NWD2: variants seen among roughly 807,000 people sequenced by gnomAD.
NWD2 encodes the protein NACHT and WD repeat domain-containing protein 2.
In NWD2, 37 loss-of-function variants were observed where a neutral mutation model predicts 132.7. The observed-to-expected ratio is 0.28, with a 90% CI of 0.21 to 0.37. The LOEUF (loss-of-function observed/expected upper bound fraction) is 0.37, where lower values mean the gene tolerates loss of function less well. Ranked by LOEUF, NWD2 falls within the 10% of genes least tolerant of loss-of-function variation. The pLI, the probability that NWD2 is intolerant of heterozygous loss-of-function variation, is 1.00. For synonymous variants in NWD2, 705 were observed against 803.0 expected, an observed-to-expected ratio of 0.88 and a Z score of 2.06; for missense variants, 1,592 against 2,122.4, an observed-to-expected ratio of 0.75 and a Z score of 4.91.
rs80353788 is a variant in NWD2, at chr4:37,364,939, T to C, written c.357+8457T>C. 9.6e-3 allele frequency among the ~76,000 whole-genome samples: 1,456 copies of C among 152,276 alleles called. 13 individuals carry two copies. The highest frequency in any genetic ancestry group is 0.033 in the African/African-American group (1,375 of 41,558). ...AATCTGTTGTTATTCAGCAAGTTTG[T>C]TTTTTCACTAGGCAGAAGAGTAAAG... On this transcript the variant is annotated intron_variant, in intron 3 of 6. Transcript: ENST00000309447.
chr4:37,299,646 G>A (rs1403098381), intron 1 of NWD2, among the ~76,000 whole-genome samples: 3 of 152,136 alleles, frequency 2.0e-5, no homozygotes, highest in Non-Finnish European at 4.4e-5. Flanking sequence ...AGAGTGTTGG[G>A]TGCAGGGTGG....
In NWD2 at chr4:37,446,709, G is replaced by A. The variant is rs372443003; in HGVS notation, c.4721G>A (p.Arg1574Gln). 27 of 1,551,496 alleles carry A rather than the reference G, an allele frequency of 1.7e-5. No individual in the cohort carries two copies. The highest frequency in any genetic ancestry group is 6.9e-5 in the African/African-American group (5 of 72,986). Reference protein sequence around the residue: ...SGIIWRQRLSRDGRYLVYICF... With the variant: ...SGIIWRQRLSQDGRYLVYICF... ...ATCATCTGGCGGCAGAGGTTGTCTC[G>A]GGATGGTCGCTACCTGGTATACATT... The change falls in exon 7 of 7, where the codon CGG (arginine) becomes CAG (glutamine). Residue 1574 changes from arginine (R) to glutamine (Q), a missense_variant. Transcript: ENST00000309447. The surrounding 1 kb of genome is among the most constrained non-coding windows in gnomAD (Gnocchi z 6.7).
chr4:37,414,701 T>C (rs1301421688), intron 3 of NWD2, among the ~76,000 whole-genome samples: 1 of 152,170 alleles, frequency 6.6e-6, no homozygotes, highest in Non-Finnish European at 1.5e-5. Flanking sequence ...TCACATCTTA[T>C]AGCCTGACAT....
chr4:37,407,623 A>G (rs1009913219), intron 3 of NWD2, among the ~76,000 whole-genome samples: 1 of 152,232 alleles, frequency 6.6e-6, no homozygotes, highest in African/African-American at 2.4e-5. Context: ...ACTTAAGACA[A>G]TGTATAGACT....
At chr4:37,274,480 A>G (rs1717946089) in intron 1 of NWD2, among the ~76,000 whole-genome samples, 2 of 152,180 alleles carry the variant, frequency 1.3e-5, no homozygotes, top group South Asian at 4.1e-4. Context: ...AGACAGATTG[A>G]CAGCCGAATT....
chr4:37,276,950 C>T (rs1173263930), intron 1 of NWD2, among the ~76,000 whole-genome samples: 3 of 151,180 alleles, frequency 2.0e-5, no homozygotes, highest in Non-Finnish European at 4.4e-5. Flanking sequence ...CACATGGACA[C>T]AGGAAGGGGA....
intron 1 of NWD2, among the ~76,000 whole-genome samples, chr4:37,311,745 G>C (rs1718846720): frequency 6.7e-6 from 1 of 148,600 alleles, no homozygotes; most frequent in Admixed American, 6.6e-5. Flanking sequence ...TTTCTTCTAG[G>C]GTTTTTATGG....
chr4:37,321,105 C>T (rs189344654), intron 1 of NWD2, among the ~76,000 whole-genome samples: 4 of 151,892 alleles, frequency 2.6e-5, no homozygotes, highest in South Asian at 4.2e-4. Flanking sequence ...TGCAGTGAGC[C>T]GAGATCATGC....
chr4:37,262,871 G>A (rs910636441), intron 1 of NWD2, among the ~76,000 whole-genome samples: 2 of 152,066 alleles, frequency 1.3e-5, no homozygotes, highest in Admixed American at 6.6e-5. Flanking sequence ...GATGGCACAG[G>A]GTGCTTCTTG....
At chr4:37,321,816 A>G (rs1392293812) in intron 1 of NWD2, among the ~76,000 whole-genome samples, 1 of 152,178 alleles carries the variant, frequency 6.6e-6, no homozygotes, top group East Asian at 1.9e-4. Context: ...AATCTAAGTC[A>G]ATTTTTAATA....
intron 1 of NWD2, among the ~76,000 whole-genome samples, chr4:37,296,629 GA>G (rs1480085079): frequency 6.6e-6 from 1 of 152,100 alleles, no homozygotes; most frequent in East Asian, 1.9e-4. Context: ...TTATAGGTGG[GA>G]ACTAAGCTAT....
intron 2 of NWD2, among the ~76,000 whole-genome samples, chr4:37,332,329 A>G (rs1719311341): frequency 6.6e-6 from 1 of 152,166 alleles, no homozygotes; most frequent in African/African-American, 2.4e-5. Context: ...GACTTTGGCA[A>G]CTTGGACACC....
At chr4:37,351,730 G>T (rs114364191) in intron 2 of NWD2, among the ~76,000 whole-genome samples, 4,007 of 151,990 alleles carry the variant, frequency 0.026, 180 homozygotes, top group African/African-American at 0.091. Flanking sequence ...TTTAGAATTC[G>T]TTTGCTCTTC....
At chr4:37,328,995 C>G (rs1419489861) in intron 2 of NWD2, among the ~76,000 whole-genome samples, 1 of 151,408 alleles carries the variant, frequency 6.6e-6, no homozygotes, top group East Asian at 1.9e-4. Context: ...GTCCCTGGCA[C>G]ATTGGAAAAT....
At chr4:37,351,278 A>T (rs1719755616) in intron 2 of NWD2, among the ~76,000 whole-genome samples, 1 of 152,060 alleles carries the variant, frequency 6.6e-6, no homozygotes, top group African/African-American at 2.4e-5. Context: ...TTGTACCCTC[A>T]GTAGAATCCA....
chr4:37,271,141 G>A lies in NWD2; in HGVS notation c.151+25923G>A, dbSNP rs1074539. On this transcript the variant is annotated intron_variant, in intron 1 of 6. Transcript: ENST00000309447. The stretch of plus-strand genomic sequence containing the variant: ...CCATTACCATACTGCCTTGATTACC[G>A]TAGCTTTATAGTAAATCTTGAGATT... Among the ~76,000 whole-genome samples the A allele has an allele frequency of 8.5e-3, 1,284 of 151,712 alleles. 18 individuals are homozygous for A. The highest frequency in any genetic ancestry group is 0.029 in the African/African-American group (1,221 of 41,454).
chr4:37,424,906 A>G lies in NWD2; in HGVS notation c.358-5666A>G, dbSNP rs182483231. Reference sequence around the variant, plus strand: ...ACAGACTCAGACCCCAAAGATTCTCAGTTGCAGCAGAGCTAACTGCACATG... The same window carrying G: ...ACAGACTCAGACCCCAAAGATTCTCGGTTGCAGCAGAGCTAACTGCACATG... On this transcript the variant is annotated intron_variant, in intron 3 of 6. Transcript: ENST00000309447. 2.2e-3 allele frequency among the ~76,000 whole-genome samples: 328 copies of G among 152,316 alleles called. 1 individual carries two copies. The highest frequency in any genetic ancestry group is 3.7e-3 in the Non-Finnish European group (250 of 68,022).
intron 3 of NWD2, among the ~76,000 whole-genome samples, chr4:37,363,069 AATC>A (rs1720015553): frequency 6.6e-6 from 1 of 152,216 alleles, no homozygotes; most frequent in South Asian, 2.1e-4. Flanking sequence ...TATCAACACT[AATC>A]ATCAGAGGAA....
chr4:37,343,190 T>G (rs940752787), intron 2 of NWD2, among the ~76,000 whole-genome samples: 2 of 152,208 alleles, frequency 1.3e-5, no homozygotes, highest in Non-Finnish European at 2.9e-5. Flanking sequence ...CTTCTCTGCT[T>G]ACTACCTTCT....
Sources: gnomAD v4.1 joint callset for allele counts (sites outside exome capture counted in the v4.1 genomes callset) on GRCh38, gnomAD v4.1.1 for gene constraint, Gnocchi (gnomAD v3.1) non-coding constraint, MANE v1.5 for transcripts, NCBI Gene and HGNC (gene_info 2026-07-23, HGNC 2026-07-21) for gene names.